Variants in GLCE observed in about 807,000 individuals in gnomAD.
GLCE encodes the protein glucuronic acid epimerase.
GLCE carries 19 observed loss-of-function variants against 47.9 expected under a neutral mutation model. That is an observed-to-expected ratio of 0.40 (90% CI 0.28 to 0.58). GLCE has a LOEUF of 0.58. Ranked by LOEUF, GLCE falls within the 20% of genes least tolerant of loss-of-function variation. The probability of loss-of-function intolerance (pLI) is 0.48; values close to 1 mark genes in which losing one functional copy is unlikely to be tolerated. For synonymous variants in GLCE, 245 were observed against 263.4 expected (o/e 0.93, Z 0.68); for missense variants, 556 against 743.3 (o/e 0.75, Z 2.93).
chr15:69,245,380 C>A (rs2052732908), intron 2 of GLCE, among the ~76,000 whole-genome samples: 1 of 148,836 alleles, frequency 6.7e-6, no homozygotes, highest in Non-Finnish European at 1.5e-5. Flanking sequence ...AAAAATACTT[C>A]ATTGCTTAAA....
intron 2 of GLCE, among the ~76,000 whole-genome samples, chr15:69,252,747 A>G (rs1486422224): frequency 6.6e-6 from 1 of 152,166 alleles, no homozygotes; most frequent in Non-Finnish European, 1.5e-5. Flanking sequence ...TCAGCTGTTG[A>G]CATGTAAGTG....
chr15:69,210,749 T>A (rs1417296066), intron 2 of GLCE, among the ~76,000 whole-genome samples: 1 of 151,936 alleles, frequency 6.6e-6, no homozygotes, highest in Non-Finnish European at 1.5e-5. Context: ...AGAGCAGGAG[T>A]CAGCAAACTA....
chr15:69,170,085 A>T (rs1007277559), intron 1 of GLCE, among the ~76,000 whole-genome samples: 1 of 152,174 alleles, frequency 6.6e-6, no homozygotes, highest in African/African-American at 2.4e-5. Context: ...ATAAGACCTT[A>T]AAAAAATTAG....
In GLCE at chr15:69,255,826, G is replaced by A. The variant is rs2052912708; in HGVS notation, c.20G>A (p.Arg7Gln). The change falls in exon 3 of 5, where the codon CGG becomes CAG. Residue 7 changes from arginine (R) to glutamine (Q), a missense_variant. By Grantham distance (43) the Arg-to-Gln change is conservative. Around this residue, in one of 3 missense-constraint regions of GLCE, gnomAD observed 237 missense variants for 310.9 expected, o/e 0.76. Transcript: ENST00000261858. MRCLAA[R>Q]VNYKTLIIIC... ...CTGAATATGCGTTGCTTGGCAGCTCGGGTCAACTATAAGACTTTGATTATT... is the reference window on the plus strand; with the variant it reads ...CTGAATATGCGTTGCTTGGCAGCTCAGGTCAACTATAAGACTTTGATTATT... 1.9e-6 allele frequency: 3 copies of A among 1,609,448 alleles called. No individual in the cohort carries two copies. Among genetic ancestry groups the A allele is most frequent in the African/African-American group, 2.7e-5 (2 of 74,810 alleles).
intron 2 of GLCE, among the ~76,000 whole-genome samples, chr15:69,226,465 T>G (rs533074950): frequency 6.6e-5 from 10 of 152,308 alleles, no homozygotes; most frequent in African/African-American, 2.4e-4. Flanking sequence ...AATATTATAG[T>G]CAATTAGTCA....
chr15:69,185,415 C>G (rs2051807794), intron 1 of GLCE, among the ~76,000 whole-genome samples: 1 of 152,128 alleles, frequency 6.6e-6, no homozygotes, highest in African/African-American at 2.4e-5. Context: ...TCCTTTCTCT[C>G]TGTCAAAAGT....
intron 1 of GLCE, chr15:69,196,272 T>C (rs2051990343): frequency 6.5e-6 from 1 of 152,868 alleles, no homozygotes; most frequent in Non-Finnish European, 1.5e-5. Flanking sequence ...ATAATTGCGG[T>C]TTTTGCATTG....
Position 69,160,701 on chromosome 15 carries a change from C to A in GLCE, c.-161C>A, listed in dbSNP as rs2140316897. On this transcript the variant is annotated 5_prime_UTR_variant, in exon 1 of 5. In the 5' UTR this introduces an upstream ATG that the reference lacks. Transcript: ENST00000261858. This position sits in a 1 kb window ranked among gnomAD's most constrained non-coding sequence, Gnocchi z 4.2. ...GCAGGCCTGAGCCACCCCTTCTCTG[C>A]TGTCTCCTTCTCTTCCTCAGGGCTC... 6.5e-6 allele frequency: 1 copy of A among 153,070 alleles called. No individual in the cohort carries two copies. The highest frequency in any genetic ancestry group is 1.5e-5 in the Non-Finnish European group (1 of 68,296). 9.5% of individuals were successfully genotyped at this position (153,070 alleles called of 1,614,324 possible). A position where few individuals can be genotyped will look rare whatever the true frequency, so the allele number is the denominator to read the frequency against.
intron 1 of GLCE, among the ~76,000 whole-genome samples, chr15:69,209,591 T>C (rs191177929): frequency 6.6e-6 from 1 of 152,216 alleles, no homozygotes; most frequent in Admixed American, 6.6e-5. Flanking sequence ...TGTATGTTTG[T>C]TTGGGTCAGA....
At chr15:69,225,964 G>A (rs996873384) in intron 2 of GLCE, among the ~76,000 whole-genome samples, 2 of 151,628 alleles carry the variant, frequency 1.3e-5, no homozygotes, top group Non-Finnish European at 1.5e-5. Context: ...CATATATGAC[G>A]TTTCCAATTT....
At chr15:69,166,419 A>G (rs1465512487) in intron 1 of GLCE, among the ~76,000 whole-genome samples, 1 of 152,196 alleles carries the variant, frequency 6.6e-6, no homozygotes, top group East Asian at 1.9e-4. Flanking sequence ...GTAGGTTGTA[A>G]AGTTTATCCA....
intron 1 of GLCE, among the ~76,000 whole-genome samples, chr15:69,186,375 G>A (rs984418957): frequency 1.3e-5 from 2 of 152,138 alleles, no homozygotes; most frequent in Non-Finnish European, 1.5e-5. Context: ...AAGGGCTATA[G>A]GGGTTAGGAG....
Position 69,192,241 on chromosome 15 carries a change from A to ATG in GLCE, c.-104-18059_-104-18058dup, listed in dbSNP as rs900192445. Among the ~76,000 whole-genome samples the ATG allele has an allele frequency of 8.4e-4, 126 of 150,180 alleles. No individual in the cohort carries two copies. The East Asian group carries it at 0.014, about 17-fold the overall frequency. ...GGCATCTTTATTTTTTGGAGGGGTT[A>ATG]TGTGTGTGTGTGTGTGTTTCTCTCT... On this transcript the variant is annotated intron_variant, in intron 1 of 4. Coordinates refer to ENST00000261858, the MANE Select transcript of GLCE (RefSeq NM_015554.3).
chr15:69,213,262 A>G (rs143473861), intron 2 of GLCE, among the ~76,000 whole-genome samples: 308 of 152,178 alleles, frequency 2.0e-3, no homozygotes, highest in African/African-American at 7.0e-3. Flanking sequence ...ACCTTATTAG[A>G]ATTTCACCAG....
Position 69,271,712 on chromosome 15 carries a change from G to A in GLCE, c.*2468G>A, listed in dbSNP as rs1438089829. ...AGTTCACTTTGATGTTAAATCTATT[G>A]CTACTTCAGTTGTAAAACCAGCCAA... On this transcript the variant is annotated 3_prime_UTR_variant, in exon 5 of 5. Transcript: ENST00000261858. The A allele has an allele frequency of 2.0e-5, 3 of 152,264 alleles. No homozygotes were observed. The highest frequency in any genetic ancestry group is 7.3e-5 in the African/African-American group (3 of 41,376). 9.4% of individuals were successfully genotyped at this position (152,264 alleles called of 1,614,324 possible).
intron 1 of GLCE, among the ~76,000 whole-genome samples, chr15:69,200,620 G>C (rs897861030): frequency 2.6e-5 from 4 of 152,146 alleles, no homozygotes; most frequent in Non-Finnish European, 5.9e-5. Flanking sequence ...ATTATGATCA[G>C]ATCAAAGCAT....
intron 1 of GLCE, among the ~76,000 whole-genome samples, chr15:69,171,174 TA>T (rs1383965097): frequency 6.6e-6 from 1 of 152,138 alleles, no homozygotes; most frequent in Non-Finnish European, 1.5e-5. Context: ...TTACCTAATT[TA>T]AAAACCAATC....
intron 1 of GLCE, among the ~76,000 whole-genome samples, chr15:69,188,971 C>T (rs1406146134): frequency 2.0e-5 from 3 of 152,096 alleles, no homozygotes; most frequent in Admixed American, 1.3e-4. Flanking sequence ...CAGCCTTTCC[C>T]ACTTCAACAT....
chr15:69,238,558 C>T (rs2052623019), intron 2 of GLCE, among the ~76,000 whole-genome samples: 1 of 152,148 alleles, frequency 6.6e-6, no homozygotes, highest in Non-Finnish European at 1.5e-5. Flanking sequence ...AAAGGAACAA[C>T]TTCCTTTCTC....
Sources: gnomAD v4.1 joint callset for allele counts (sites outside exome capture counted in the v4.1 genomes callset) on GRCh38, gnomAD v4.1.1 for gene constraint, gnomAD v4.1.1 regional missense constraint, Gnocchi (gnomAD v3.1) non-coding constraint, MANE v1.5 for transcripts, NCBI Gene and HGNC (gene_info 2026-07-23, HGNC 2026-07-21) for gene names.